ITGA6: variants seen among roughly 807,000 people sequenced by gnomAD.
ITGA6 encodes integrin alpha-6.
ITGA6 carries 63 observed loss-of-function variants against 133.6 expected under a neutral mutation model. The observed-to-expected ratio is 0.47, with a 90% confidence interval of 0.38 to 0.58. The LOEUF is 0.58. Ranked by LOEUF, ITGA6 falls within the 20% of genes least tolerant of loss-of-function variation. The pLI is 0.00. For missense variants in ITGA6, 1,068 were observed against 1,309.4 expected (o/e 0.82, Z 2.85); for synonymous variants, 434 against 482.0 (o/e 0.90, Z 1.30).
chr2:172,501,632 C>T, intron 24 of ITGA6, 140 bp from the exon 25 acceptor site: 1 of 710,802 alleles, frequency 1.4e-6, no homozygotes, highest in Admixed American at 2.1e-5. Flanking sequence ...AATGCAGTGG[C>T]TGTTCATTGT....
Position 172,484,961 on chromosome 2 carries a change from C to G in ITGA6, c.1710+19C>G. On this transcript the variant is annotated intron_variant, in intron 12 of 25. Coordinates refer to ENST00000684293, the MANE Select transcript of ITGA6 (RefSeq NM_000210.4). ...GCTACAGGTGAGGGCTGCAGATGGT[C>G]ACATCTGTTTTATGAAGAGGACAGA... The G allele has an allele frequency of 6.2e-7, 1 of 1,611,846 alleles. No individual in the cohort carries two copies. The highest frequency in any genetic ancestry group is 8.5e-7 in the Non-Finnish European group (1 of 1,177,942).
intron 11 of ITGA6, among the ~76,000 whole-genome samples, chr2:172,483,964 C>T (rs1444166957): frequency 6.6e-6 from 1 of 152,170 alleles, no homozygotes; most frequent in Non-Finnish European, 1.5e-5. Context: ...GCATGCGCCA[C>T]CAAGCCCAGC....
chr2:172,443,909 G>A (rs1684643880), intron 1 of ITGA6, among the ~76,000 whole-genome samples: 1 of 152,120 alleles, frequency 6.6e-6, no homozygotes, highest in Non-Finnish European at 1.5e-5. Context: ...CGAGTACCTG[G>A]GACTACTGGC....
At chr2:172,445,349 T>C (rs1473877358) in intron 1 of ITGA6, among the ~76,000 whole-genome samples, 5 of 148,810 alleles carry the variant, frequency 3.4e-5, no homozygotes, top group African/African-American at 1.2e-4. Flanking sequence ...TTTTTTTTTT[T>C]TTAACAAAAA....
chr2:172,491,347 G>A lies in ITGA6; in HGVS notation c.2889+16G>A, dbSNP rs1417498484. 6 of 1,584,284 alleles carry A rather than the reference G, an allele frequency of 3.8e-6. No homozygotes were observed. In the African/African-American group the frequency reaches 6.7e-5, roughly 18 times the overall value. On this transcript the variant is annotated intron_variant, in intron 22 of 25. Coordinates refer to ENST00000684293, the MANE Select transcript of ITGA6 (RefSeq NM_000210.4). The surrounding 1 kb of genome is among the most constrained non-coding windows in gnomAD (Gnocchi z 4.4). ...ATTTCTAGAGGTATGACCTTGGCTTGAGGCTGTCCCATGGAAGTAATTTGC... is the reference window on the plus strand; with the variant it reads ...ATTTCTAGAGGTATGACCTTGGCTTAAGGCTGTCCCATGGAAGTAATTTGC...
rs747758765 is a variant in ITGA6, at chr2:172,491,556, A to G, written c.2988+33A>G. The G allele has an allele frequency of 1.4e-6, 2 of 1,394,998 alleles. No homozygotes were observed. Among genetic ancestry groups the G allele is most frequent in the Non-Finnish European group, 2.0e-6 (2 of 982,844 alleles). 86.4% of individuals were successfully genotyped at this position (1,394,998 alleles called of 1,614,324 possible). On this transcript the variant is annotated intron_variant, in intron 23 of 25. Coordinates refer to ENST00000684293, the MANE Select transcript of ITGA6 (RefSeq NM_000210.4). The surrounding 1 kb of genome is among the most constrained non-coding windows in gnomAD (Gnocchi z 4.4). ...GTTCCCCAGCTTCATTCAGGTTCAG[A>G]ACATGTCTCTTTTCCCTGTACCCCA...
intron 1 of ITGA6, among the ~76,000 whole-genome samples, chr2:172,444,368 C>T (rs1684664344): frequency 6.6e-6 from 1 of 152,088 alleles, no homozygotes; most frequent in South Asian, 2.1e-4. Context: ...GTATTAGTTG[C>T]TAAAATATTG....
At chr2:172,501,294 A>G (rs1451694874) in intron 24 of ITGA6, among the ~76,000 whole-genome samples, 6 of 152,164 alleles carry the variant, frequency 3.9e-5, no homozygotes. Context: ...TGTTCCATAA[A>G]ATTTACTGTA....
Position 172,474,215 on chromosome 2 carries a change from G to A in ITGA6, c.936G>A (p.Leu312=), listed in dbSNP as rs1453275613. ...AGCACATATTCGATGGAGAAGGTCT[G>A]GCCTCTTCATTTGGCTATGATGTGG... The part of the protein sequence containing the change: ...LPEHIFDGEG[L]ASSFGYDVAV... The change falls in exon 6 of 26, where the codon CTG becomes CTA. Residue 312 remains leucine, a synonymous_variant. Transcript: ENST00000684293. 7.4e-6 allele frequency: 12 copies of A among 1,614,112 alleles called. No homozygotes were observed. In the South Asian group the frequency reaches 1.1e-4, roughly 15 times the overall value.
chr2:172,500,297 G>C (rs533603551), intron 24 of ITGA6, among the ~76,000 whole-genome samples: 5 of 151,960 alleles, frequency 3.3e-5, no homozygotes, highest in African/African-American at 9.7e-5. Context: ...TGCTAACAAA[G>C]ATGCTCATGA....
intron 1 of ITGA6, among the ~76,000 whole-genome samples, chr2:172,433,157 C>T (rs1443637935): frequency 6.6e-6 from 1 of 152,114 alleles, no homozygotes; most frequent in Non-Finnish European, 1.5e-5. Context: ...CCCATCTTCC[C>T]TTTCTGGGCT....
At position 172,440,099 on chromosome 2, in the gene ITGA6, A is replaced by C. The variant is rs929525838; in HGVS notation, c.182+12129A>C. Among the ~76,000 whole-genome samples the C allele has an allele frequency of 2.0e-5, 3 of 152,174 alleles. No individual in the cohort carries two copies. In the South Asian group the frequency reaches 6.2e-4, roughly 32 times the overall value. ...CCTTCACTGTTGTGTGGGTGTTTGCAAATAAGACAGCACCTGTTTGCCCTC... is the reference window on the plus strand; with the variant it reads ...CCTTCACTGTTGTGTGGGTGTTTGCCAATAAGACAGCACCTGTTTGCCCTC... On this transcript the variant is annotated intron_variant, in intron 1 of 25. Coordinates refer to ENST00000684293, the MANE Select transcript of ITGA6 (RefSeq NM_000210.4).
In ITGA6 at chr2:172,504,169, G is replaced by C. The variant is rs55707934; in HGVS notation, c.*101G>C. 3.5e-5 allele frequency: 55 copies of C among 1,592,310 alleles called. 2 individuals carry two copies. The East Asian group carries it at 1.1e-3, about 31-fold the overall frequency. ...TGTAAGGATCCGGAAAGAAGAGCGA[G>C]AGATCAAAGATGAAAAGTATATTGA... is the stretch of plus-strand genomic sequence containing the variant. On this transcript the variant is annotated 3_prime_UTR_variant, in exon 26 of 26. Coordinates refer to ENST00000684293, the MANE Select transcript of ITGA6 (RefSeq NM_000210.4).
chr2:172,458,812 C>T (rs936995441), intron 1 of ITGA6, among the ~76,000 whole-genome samples: 17 of 152,138 alleles, frequency 1.1e-4, no homozygotes, highest in African/African-American at 3.6e-4. Flanking sequence ...TGTAGGAAAA[C>T]TTCTAGGCAA....
intron 24 of ITGA6, among the ~76,000 whole-genome samples, chr2:172,501,079 G>A (rs1484994766): frequency 6.6e-6 from 1 of 152,094 alleles, no homozygotes; most frequent in Non-Finnish European, 1.5e-5. Context: ...ATCACTGAAC[G>A]AAGGAAATTA....
chr2:172,498,314 A>G lies in ITGA6; in HGVS notation c.3114+214A>G, dbSNP rs552239755. On this transcript the variant is annotated intron_variant, in intron 24 of 25. Coordinates refer to ENST00000684293, the MANE Select transcript of ITGA6 (RefSeq NM_000210.4). ...ATTTAAAGTATATTATTTGTACACAATAAGTTTCTTCATTTGTCTCTCACA... is the reference window on the plus strand; with the variant it reads ...ATTTAAAGTATATTATTTGTACACAGTAAGTTTCTTCATTTGTCTCTCACA... Among the ~76,000 whole-genome samples, 5 of 152,342 alleles carry G rather than the reference A, an allele frequency of 3.3e-5. No homozygotes were observed. In the East Asian group the frequency reaches 7.7e-4, roughly 23 times the overall value.
rs1184793674 is a variant in ITGA6, at chr2:172,487,259, A to G, written c.1971-5A>G. On this transcript the variant is annotated splice_polypyrimidine_tract_variant and splice_region_variant and intron_variant, in intron 14 of 25. Transcript: ENST00000684293. ...TTTTTGTTCTTGTTTTCTTATTTTTAATAGTCAAAAAGGTGTACCAGAACT... is the reference window on the plus strand; with the variant it reads ...TTTTTGTTCTTGTTTTCTTATTTTTGATAGTCAAAAAGGTGTACCAGAACT... 1 of 1,609,100 alleles carries G rather than the reference A, an allele frequency of 6.2e-7. No individual in the cohort carries two copies. Among genetic ancestry groups the G allele is most frequent in the Admixed American group, 1.7e-5 (1 of 59,988 alleles).
intron 1 of ITGA6, among the ~76,000 whole-genome samples, chr2:172,447,424 C>T (rs1286440996): frequency 2.0e-5 from 3 of 152,188 alleles, no homozygotes; most frequent in East Asian, 3.9e-4. Flanking sequence ...AGGCTGGCCT[C>T]GAACTCCTGA....
chr2:172,440,163 A>G (rs756420218), intron 1 of ITGA6, among the ~76,000 whole-genome samples: 9 of 152,196 alleles, frequency 5.9e-5, no homozygotes, highest in Non-Finnish European at 1.0e-4. Flanking sequence ...AAGGCACCCT[A>G]TAAATGTATG....
Sources: allele counts gnomAD v4.1 joint callset (sites outside exome capture counted in the v4.1 genomes callset), GRCh38; gene constraint gnomAD v4.1.1; non-coding constraint Gnocchi (gnomAD v3.1); transcripts MANE v1.5; gene names NCBI Gene and HGNC (gene_info 2026-07-23, HGNC 2026-07-21).